Variants in OSTF1 observed in about 807,000 individuals in gnomAD.
OSTF1 encodes osteoclast stimulating factor 1.
In OSTF1, 27 loss-of-function variants were observed where a neutral mutation model predicts 37.2. The ratio of observed to expected loss-of-function variants is 0.73; its 90% CI spans 0.54 to 1.00. OSTF1 has a LOEUF of 1.00. Among genes scored for constraint, OSTF1 ranks in the 50% least tolerant of loss-of-function variants. The pLI is 0.00. For synonymous variants in OSTF1, 82 were observed against 89.2 expected (o/e 0.92, Z 0.46); for missense variants, 232 against 253.8 (o/e 0.91, Z 0.58).
intron 8 of OSTF1, among the ~76,000 whole-genome samples, chr9:75,138,583 G>A (rs1587476995): frequency 6.6e-6 from 1 of 152,260 alleles, no homozygotes; most frequent in East Asian, 1.9e-4. Flanking sequence ...TTGGTTATGT[G>A]TTGAAATGAT....
chr9:75,105,377 C>T (rs1254782319), intron 1 of OSTF1, among the ~76,000 whole-genome samples: 1 of 152,250 alleles, frequency 6.6e-6, no homozygotes, highest in African/African-American at 2.4e-5. Flanking sequence ...AGCTACTCAA[C>T]TCTGCCATGG....
chr9:75,123,660 T>G (rs184674463), intron 2 of OSTF1, among the ~76,000 whole-genome samples: 173 of 152,382 alleles, frequency 1.1e-3, no homozygotes, highest in Non-Finnish European at 1.5e-3. Context: ...TTGTATGTAC[T>G]GCCACCAACA....
At chr9:75,112,323 CAG>C (rs1825406032) in intron 1 of OSTF1, among the ~76,000 whole-genome samples, 1 of 152,072 alleles carries the variant, frequency 6.6e-6, no homozygotes, top group South Asian at 2.1e-4. Flanking sequence ...GGTTGTTAAA[CAG>C]TAATCATAAA....
At position 75,130,110 on chromosome 9, in the gene OSTF1, A is replaced by T. The variant is rs150710879; in HGVS notation, c.133-468A>T. Among the ~76,000 whole-genome samples, 8 of 152,284 alleles carry T rather than the reference A, an allele frequency of 5.3e-5. 1 individual carries two copies. The highest frequency in any genetic ancestry group is 7.2e-5 in the African/African-American group (3 of 41,554). On this transcript the variant is annotated intron_variant, in intron 3 of 9. Transcript: ENST00000346234. The stretch of plus-strand genomic sequence containing the variant: ...ATTTGTGCAGTTGGGAAATGGGTAT[A>T]TATATGGTCATTACATTGTTCTTTC...
At chr9:75,103,701 T>G (rs968948646) in intron 1 of OSTF1, among the ~76,000 whole-genome samples, 2 of 152,176 alleles carry the variant, frequency 1.3e-5, no homozygotes, top group Non-Finnish European at 2.9e-5. Flanking sequence ...TAGCACAGTC[T>G]TGACTCACTG....
chr9:75,114,153 T>TTGTGTGTG (rs60557033), intron 1 of OSTF1, among the ~76,000 whole-genome samples: 3 of 150,602 alleles, frequency 2.0e-5, no homozygotes, highest in African/African-American at 7.3e-5. Context: ...TAGTATTCTA[T>TTGTGTGTG]TGTGTGTGTG....
At position 75,088,702 on chromosome 9, in the gene OSTF1, C is replaced by T; in HGVS notation, c.10C>T (p.Pro4Ser). 6.2e-7 allele frequency: 1 copy of T among 1,609,072 alleles called. No homozygotes were observed. Among genetic ancestry groups the T allele is most frequent in the Non-Finnish European group, 8.5e-7 (1 of 1,177,594 alleles). Reference sequence around the variant, plus strand: ...AGCTCCAGGAAGCGAGATGTCGAAGCCGCCACCCAAACCAGTCAAACCAGG... The same window carrying T: ...AGCTCCAGGAAGCGAGATGTCGAAGTCGCCACCCAAACCAGTCAAACCAGG... MSKPPPKPVKPGQV... is the reference protein window; with the variant it reads MSKSPPKPVKPGQV... Residue 4 changes from proline to serine, a missense_variant, in exon 1 of 10, where the codon CCG becomes TCG. Coordinates refer to ENST00000346234, the MANE Select transcript of OSTF1 (RefSeq NM_012383.5).
At position 75,127,578 on chromosome 9, in the gene OSTF1, T is replaced by C; in HGVS notation, c.91T>C (p.Leu31=). The C allele has an allele frequency of 6.3e-7, 1 of 1,576,240 alleles. No homozygotes were observed. The highest frequency in any genetic ancestry group is 8.6e-7 in the Non-Finnish European group (1 of 1,156,758). ...TTTTTTTTTCTTCTAGCCAGATGAATTATACTTTGAGGAAGGTGATATTAT... is the reference window on the plus strand; with the variant it reads ...TTTTTTTTTCTTCTAGCCAGATGAACTATACTTTGAGGAAGGTGATATTAT... ...YTFEPRTPDE[L]YFEEGDIIYI... is the part of the protein sequence containing the mutation. The change falls in exon 3 of 10, where the codon TTA becomes CTA. Residue 31 remains leucine (L), a synonymous_variant. Coordinates refer to ENST00000346234, the MANE Select transcript of OSTF1 (RefSeq NM_012383.5).
chr9:75,127,617 A>G lies in OSTF1; in HGVS notation c.130A>G (p.Met44Val), dbSNP rs542225647. 11 of 1,549,262 alleles carry G rather than the reference A, an allele frequency of 7.1e-6. No individual in the cohort carries two copies. Among genetic ancestry groups the G allele is most frequent in the South Asian group, 3.5e-5 (3 of 85,874 alleles). The change falls in exon 3 of 10, where the codon ATG becomes GTG. Residue 44 changes from methionine (M) to valine (V), a missense_variant and splice_region_variant. By Grantham distance (21) the Met-to-Val change is conservative. Transcript: ENST00000346234. ...EEGDIIYITD[M>V]SDTNWWKGTS... Reference sequence around the variant, plus strand: ...AGGTGATATTATCTACATTACTGACATGGTAAGTCCAGATAACATCTTGTA... The same window carrying G: ...AGGTGATATTATCTACATTACTGACGTGGTAAGTCCAGATAACATCTTGTA...
chr9:75,124,316 T>C (rs1052910658), intron 2 of OSTF1, among the ~76,000 whole-genome samples: 4 of 152,208 alleles, frequency 2.6e-5, no homozygotes, highest in Non-Finnish European at 5.9e-5. Flanking sequence ...AATGTACCAT[T>C]ATTATTGACT....
chr9:75,136,045 A>G (rs1452028651), intron 7 of OSTF1, among the ~76,000 whole-genome samples: 3 of 152,184 alleles, frequency 2.0e-5, no homozygotes, highest in Non-Finnish European at 4.4e-5. Flanking sequence ...TCCGCTGACT[A>G]GAAACCTAAT....
At chr9:75,106,685 G>A (rs1825290861) in intron 1 of OSTF1, among the ~76,000 whole-genome samples, 1 of 150,490 alleles carries the variant, frequency 6.6e-6, no homozygotes, top group Non-Finnish European at 1.5e-5. Flanking sequence ...GCCGGGCGTG[G>A]TGGCTCACAC....
intron 1 of OSTF1, among the ~76,000 whole-genome samples, chr9:75,097,727 T>G (rs1243597600): frequency 6.6e-6 from 1 of 151,070 alleles, no homozygotes; most frequent in Non-Finnish European, 1.5e-5. Context: ...ATGAGTGGGA[T>G]GAACTTCTGG....
chr9:75,096,001 C>G (rs1224013760), intron 1 of OSTF1, among the ~76,000 whole-genome samples: 3 of 152,056 alleles, frequency 2.0e-5, no homozygotes, highest in Non-Finnish European at 4.4e-5. Flanking sequence ...ACGCCATTCT[C>G]CTGCCTCAGC....
intron 3 of OSTF1, among the ~76,000 whole-genome samples, chr9:75,128,131 T>C (rs1019938302): frequency 6.6e-6 from 1 of 151,554 alleles, no homozygotes; most frequent in Non-Finnish European, 1.5e-5. Flanking sequence ...GAAGATAGAC[T>C]TTTTAGAAAA....
chr9:75,140,588 A>T (rs560858873), intron 8 of OSTF1, among the ~76,000 whole-genome samples: 1 of 152,236 alleles, frequency 6.6e-6, no homozygotes, highest in Non-Finnish European at 1.5e-5. Context: ...AAAAGTTCAC[A>T]TGCAATTCTA....
intron 1 of OSTF1, among the ~76,000 whole-genome samples, chr9:75,103,610 C>T (rs1433284224): frequency 2.6e-5 from 4 of 152,062 alleles, no homozygotes; most frequent in Non-Finnish European, 4.4e-5. Flanking sequence ...TTAAGGGACA[C>T]GATAAACTCT....
intron 8 of OSTF1, 148 bp from the exon 9 acceptor site, chr9:75,140,686 A>G (rs77817638): frequency 0.012 from 6,535 of 560,218 alleles, 346 homozygotes; most frequent in African/African-American, 0.11. Flanking sequence ...ACTGCATGAG[A>G]AAGTTTATTG....
intron 1 of OSTF1, among the ~76,000 whole-genome samples, chr9:75,100,873 G>A (rs1049502269): frequency 2.0e-5 from 3 of 152,124 alleles, no homozygotes; most frequent in South Asian, 2.1e-4. Flanking sequence ...GGGGGATTTC[G>A]GCGAGAATGG....
Sources: allele counts gnomAD v4.1 joint callset (sites outside exome capture counted in the v4.1 genomes callset), GRCh38; gene constraint gnomAD v4.1.1; transcripts MANE v1.5; gene names NCBI Gene and HGNC (gene_info 2026-07-23, HGNC 2026-07-21).